FOXK2: variants seen among roughly 807,000 people sequenced by gnomAD.
FOXK2 encodes forkhead box K2.
A neutral mutation model predicts 53.3 loss-of-function variants in FOXK2; 24 were observed. The observed-to-expected ratio is 0.45, with a 90% CI of 0.33 to 0.63. The LOEUF (loss-of-function observed/expected upper bound fraction) is 0.63, where lower values mean the gene tolerates loss of function less well. FOXK2 is among the 30% of genes least tolerant of loss of function. The pLI, the probability that FOXK2 is intolerant of heterozygous loss-of-function variation, is 0.03. For synonymous variants in FOXK2, 505 were observed against 407.1 expected, an observed-to-expected ratio of 1.24 and a Z score of -2.89; for missense variants, 952 against 910.5, an observed-to-expected ratio of 1.05 and a Z score of -0.59.
intron 4 of FOXK2, chr17:82,577,334 A>T (rs1469057452): frequency 2.5e-6 from 2 of 786,696 alleles, no homozygotes; most frequent in African/African-American, 3.5e-5. Context: ...CACAACAGCA[A>T]ATTCATCAGA....
At chr17:82,530,382 C>G (rs1022597536) in intron 1 of FOXK2, among the ~76,000 whole-genome samples, 1 of 139,358 alleles carries the variant, frequency 7.2e-6, no homozygotes, top group Admixed American at 7.7e-5. Context: ...ACCAGCTACT[C>G]GGGAGGCTAA....
At chr17:82,566,841 A>T (rs1174836673) in intron 2 of FOXK2, among the ~76,000 whole-genome samples, 2 of 152,136 alleles carry the variant, frequency 1.3e-5, no homozygotes, top group African/African-American at 4.8e-5. Flanking sequence ...AGCCTGAGCA[A>T]CCTGACTTTC....
intron 1 of FOXK2, among the ~76,000 whole-genome samples, chr17:82,551,234 G>A (rs1467765658): frequency 6.6e-6 from 1 of 151,894 alleles, no homozygotes; most frequent in Non-Finnish European, 1.5e-5. Context: ...GGAGAATGGC[G>A]TGAACCTGGG....
At chr17:82,534,573 C>G (rs1403032984) in intron 1 of FOXK2, among the ~76,000 whole-genome samples, 1 of 152,172 alleles carries the variant, frequency 6.6e-6, no homozygotes, top group African/African-American at 2.4e-5. Context: ...TTTAGCAGAG[C>G]TCTGGAGGAG....
intron 1 of FOXK2, among the ~76,000 whole-genome samples, chr17:82,549,778 A>C (rs1373630115): frequency 6.6e-6 from 1 of 151,260 alleles, no homozygotes; most frequent in Non-Finnish European, 1.5e-5. Context: ...AGCCTCCCTG[A>C]TATGTGCCTA....
intron 1 of FOXK2, among the ~76,000 whole-genome samples, chr17:82,549,065 A>G (rs1259935443): frequency 6.6e-6 from 1 of 152,200 alleles, no homozygotes; most frequent in Non-Finnish European, 1.5e-5. Flanking sequence ...TGGAGTGGAA[A>G]TCTTCCTTAG....
rs535971348 is a variant in FOXK2, at chr17:82,563,528, C to T, written c.594C>T (p.Pro198=). 115 of 1,613,702 alleles carry T rather than the reference C, an allele frequency of 7.1e-5. No homozygotes were observed. Among genetic ancestry groups the T allele is most frequent in the Admixed American group, 1.7e-5 (1 of 59,978 alleles). The change falls in exon 2 of 9, where the codon CCC becomes CCT. Residue 198 remains proline (P), a synonymous_variant. Coordinates refer to ENST00000335255, the MANE Select transcript of FOXK2 (RefSeq NM_004514.4). ...DTMAHLISPL[P]SPTGTISAAN... ...TGGCCCACCTCATCAGCCCTCTGCC[C>T]TCCCCCACGGGAACCATCAGGTGCG... is the stretch of plus-strand genomic sequence containing the variant.
chr17:82,598,724 T>G (rs2045345776), intron 8 of FOXK2, among the ~76,000 whole-genome samples: 1 of 152,222 alleles, frequency 6.6e-6, no homozygotes, highest in East Asian at 1.9e-4. Flanking sequence ...CACCTCCTAA[T>G]TAGGCTGCGT....
At position 82,568,101 on chromosome 17, in the gene FOXK2, G is replaced by T. The variant is rs755834694; in HGVS notation, c.662G>T (p.Gly221Val). 7 of 1,613,476 alleles carry T rather than the reference G, an allele frequency of 4.3e-6. No individual in the cohort carries two copies. Among genetic ancestry groups the T allele is most frequent in the Non-Finnish European group, 5.9e-6 (7 of 1,179,934 alleles). ...AGCCCCCGGGGAGCGGGGTCTTCAG[G>T]GTACAAGGTGGGCCGAGTGATGCCA... ...PSSPRGAGSSGYKVGRVMPSD... is the reference protein window; with the variant it reads ...PSSPRGAGSSVYKVGRVMPSD... The change falls in exon 3 of 9, where the codon GGG (glycine) becomes GTG (valine). Residue 221 changes from glycine (G) to valine (V), a missense_variant. Around this residue, in one of 5 missense-constraint regions of FOXK2, gnomAD observed 160 missense variants for 214.2 expected, o/e 0.75. Transcript: ENST00000335255.
chr17:82,542,166 CTT>C (rs750005460), intron 1 of FOXK2, among the ~76,000 whole-genome samples: 16 of 115,600 alleles, frequency 1.4e-4, no homozygotes, highest in Admixed American at 3.7e-4. Flanking sequence ...TTTCTTCTTT[CTT>C]TTTTTTTTTT....
At position 82,523,471 on chromosome 17, in the gene FOXK2, C is replaced by CTTT. The variant is rs368793665; in HGVS notation, c.419+3178_419+3180dup. 3.0e-4 allele frequency among the ~76,000 whole-genome samples: 42 copies of CTTT among 140,260 alleles called. 1 individual carries two copies. Among genetic ancestry groups the CTTT allele is most frequent in the Admixed American group, 2.8e-3 (39 of 13,780 alleles). 92.0% of individuals were successfully genotyped at this position (140,260 alleles called of 152,430 possible). On this transcript the variant is annotated intron_variant, in intron 1 of 8. Transcript: ENST00000335255. ...GAAATGCAGATAAATTGTTTAAAAT[C>CTTT]TTTTTTTTTTTTTTTTAAGACAGAG...
At chr17:82,535,468 A>T (rs1166373554) in intron 1 of FOXK2, among the ~76,000 whole-genome samples, 1 of 152,146 alleles carries the variant, frequency 6.6e-6, no homozygotes, top group Non-Finnish European at 1.5e-5. Flanking sequence ...CTGACATCTC[A>T]CAGGTCCTTT....
chr17:82,533,968 C>T (rs1297892457), intron 1 of FOXK2, among the ~76,000 whole-genome samples: 1 of 151,480 alleles, frequency 6.6e-6, no homozygotes, highest in African/African-American at 2.4e-5. Flanking sequence ...CGGTGCACTC[C>T]AGCCCAGGCA....
chr17:82,571,698 G>T, intron 3 of FOXK2, 26 bp from the exon 4 acceptor site: 2 of 1,474,550 alleles, frequency 1.4e-6, no homozygotes, highest in Non-Finnish European at 1.8e-6. Context: ...TTCAATATTC[G>T]TTTTGTGTTT....
intron 1 of FOXK2, among the ~76,000 whole-genome samples, chr17:82,546,171 C>T (rs1411357827): frequency 7.8e-6 from 1 of 128,890 alleles, no homozygotes; most frequent in Non-Finnish European, 1.5e-5. Context: ...GGCTGGAGTG[C>T]AGTGGTGCCA....
At chr17:82,526,979 C>T (rs75636276) in intron 1 of FOXK2, among the ~76,000 whole-genome samples, 7 of 152,206 alleles carry the variant, frequency 4.6e-5, no homozygotes, top group East Asian at 1.9e-4. Context: ...CGGGTCGGAA[C>T]GGAGCTACTA....
At chr17:82,561,834 TGGCGTAGCCTCCGACCTCCACA>T (rs2044797205) in intron 1 of FOXK2, among the ~76,000 whole-genome samples, 1 of 151,442 alleles carries the variant, frequency 6.6e-6, no homozygotes, top group Non-Finnish European at 1.5e-5. Context: ...GGGAGGGCCA[TGGCGTAGCCTCCGACCTCCACA>T]GGCTGGAGGT....
At chr17:82,540,168 C>T (rs2044560785) in intron 1 of FOXK2, among the ~76,000 whole-genome samples, 1 of 151,854 alleles carries the variant, frequency 6.6e-6, no homozygotes, top group Non-Finnish European at 1.5e-5. Context: ...GTAATCCTGG[C>T]TACTTGGGAG....
At chr17:82,571,672 T>A in intron 3 of FOXK2, 52 bp from the exon 4 acceptor site, 1 of 1,446,836 alleles carries the variant, frequency 6.9e-7, no homozygotes, top group South Asian at 1.5e-5. Context: ...GTAAATTTAA[T>A]ACAAAATATG....
Sources: allele counts gnomAD v4.1 joint callset (sites outside exome capture counted in the v4.1 genomes callset), GRCh38; gene constraint gnomAD v4.1.1; regional missense constraint gnomAD v4.1.1; transcripts MANE v1.5; gene names NCBI Gene and HGNC (gene_info 2026-07-23, HGNC 2026-07-21).